Variants in RBFOX1 observed in about 807,000 individuals in gnomAD.
The protein encoded by RBFOX1 is RNA binding fox-1 homolog 1.
Under a neutral mutation model 57.7 loss-of-function variants are expected in RBFOX1, and 8 were observed. The observed-to-expected ratio is 0.14, with a 90% confidence interval of 0.08 to 0.25. The LOEUF (loss-of-function observed/expected upper bound fraction) is 0.25. RBFOX1 is among the 10% of genes least tolerant of loss of function. RBFOX1 has a pLI of 1.00. For missense variants in RBFOX1, 611 were observed against 548.5 expected (o/e 1.11, Z -1.14); for synonymous variants, 326 against 222.4 (o/e 1.47, Z -4.15).
At chr16:6,076,471 GT>G (rs938802804) in intron 1 of RBFOX1, among the ~76,000 whole-genome samples, 1 of 151,986 alleles carries the variant, frequency 6.6e-6, no homozygotes, top group African/African-American at 2.4e-5. Context: ...AGCCTTGCCT[GT>G]TTTTTTGTTT....
At chr16:6,780,856 A>T (rs1416798979) in intron 3 of RBFOX1, among the ~76,000 whole-genome samples, 1 of 151,852 alleles carries the variant, frequency 6.6e-6, no homozygotes, top group African/African-American at 2.4e-5. Flanking sequence ...GGGGTTTTGT[A>T]CCAAGTTGTT....
At chr16:6,469,886 A>G (rs1164185359) in intron 2 of RBFOX1, among the ~76,000 whole-genome samples, 1 of 152,188 alleles carries the variant, frequency 6.6e-6, no homozygotes, top group Non-Finnish European at 1.5e-5. Flanking sequence ...GAACCTTACA[A>G]TCCTATATTG....
chr16:6,038,495 A>G (rs1052572541), intron 1 of RBFOX1: 2 of 147,822 alleles, frequency 1.4e-5, no homozygotes, highest in African/African-American at 4.9e-5. Flanking sequence ...AGCTATATGT[A>G]CACTGTACCT....
At chr16:5,944,984 AAAAAGAG>A (rs1045930452) in intron 4 of RBFOX1, among the ~76,000 whole-genome samples, 3 of 142,648 alleles carry the variant, frequency 2.1e-5, no homozygotes, top group African/African-American at 7.6e-5. Context: ...AAAAAAAAAA[AAAAAGAG>A]AGAGAGAGAG....
At chr16:5,774,880 A>G (rs1400739028) in intron 3 of RBFOX1, among the ~76,000 whole-genome samples, 1 of 152,048 alleles carries the variant, frequency 6.6e-6, no homozygotes, top group Non-Finnish European at 1.5e-5. Context: ...CTGGAGTTTC[A>G]CCATGTTGGC....
intron 4 of RBFOX1, among the ~76,000 whole-genome samples, chr16:7,437,743 A>G (rs980176048): frequency 6.6e-5 from 10 of 152,236 alleles, no homozygotes; most frequent in Admixed American, 1.3e-4. Flanking sequence ...AGCATCTTTG[A>G]TTTACTTATA....
chr16:5,801,791 C>T (rs565410264), intron 3 of RBFOX1, among the ~76,000 whole-genome samples: 1 of 152,270 alleles, frequency 6.6e-6, no homozygotes, highest in African/African-American at 2.4e-5. Flanking sequence ...CTGACAGGCA[C>T]AGAGAGTGAA....
chr16:7,592,352 C>T (rs987192914), intron 7 of RBFOX1, among the ~76,000 whole-genome samples: 1 of 152,224 alleles, frequency 6.6e-6, no homozygotes, highest in Non-Finnish European at 1.5e-5. Context: ...CCACCTTTGT[C>T]TTTCCTAAAC....
intron 4 of RBFOX1, among the ~76,000 whole-genome samples, chr16:7,262,426 A>T (rs2094954338): frequency 1.3e-5 from 2 of 152,184 alleles, no homozygotes; most frequent in Admixed American, 6.5e-5. Flanking sequence ...GAAAAATTGC[A>T]ATAAGTGAAA....
intron 3 of RBFOX1, among the ~76,000 whole-genome samples, chr16:6,908,817 G>A (rs1475918454): frequency 6.6e-6 from 1 of 152,150 alleles, no homozygotes; most frequent in Non-Finnish European, 1.5e-5. Context: ...ATAAATGGAG[G>A]TGAGGTTGTG....
In RBFOX1 at chr16:5,623,522, C is replaced by G. The variant is rs144540210; in HGVS notation, c.318+24561C>G. Among the ~76,000 whole-genome samples, 79 of 151,514 alleles carry G rather than the reference C, an allele frequency of 5.2e-4. 1 individual carries two copies. Among genetic ancestry groups the G allele is most frequent in the South Asian group, 4.0e-3 (19 of 4,772 alleles). ...CATGAAGACTTTTCTGCATCTTTAC[C>G]TACACCCTACATGGTACAGGTGCAG... is the stretch of plus-strand genomic sequence containing the variant. On this transcript the variant is annotated intron_variant, in intron 3 of 19. Coordinates refer to the RBFOX1 transcript ENST00000641259.
intron 4 of RBFOX1, among the ~76,000 whole-genome samples, chr16:7,454,727 C>G (rs1435434755): frequency 1.3e-5 from 2 of 152,208 alleles, no homozygotes; most frequent in East Asian, 3.9e-4. Context: ...ATCCAACCAT[C>G]TCTCGATGTA....
At chr16:7,148,258 C>G (rs1000446746) in intron 4 of RBFOX1, among the ~76,000 whole-genome samples, 6 of 152,192 alleles carry the variant, frequency 3.9e-5, no homozygotes, top group Non-Finnish European at 8.8e-5. Context: ...AGTTTAAAGG[C>G]ACACTCTGGC....
At chr16:6,125,195 A>G (rs1321137791) in intron 1 of RBFOX1, among the ~76,000 whole-genome samples, 1 of 152,206 alleles carries the variant, frequency 6.6e-6, no homozygotes, top group East Asian at 1.9e-4. Flanking sequence ...TTACAGTCAT[A>G]TCTTTGTCAA....
At chr16:6,847,148 G>A (rs866941318) in intron 3 of RBFOX1, among the ~76,000 whole-genome samples, 1 of 152,112 alleles carries the variant, frequency 6.6e-6, no homozygotes, top group African/African-American at 2.4e-5. Context: ...CCTGTCTTGC[G>A]GCCATTAAAC....
chr16:7,137,812 T>C (rs921650397), intron 4 of RBFOX1, among the ~76,000 whole-genome samples: 20 of 152,224 alleles, frequency 1.3e-4, no homozygotes, highest in Admixed American at 1.3e-3. Flanking sequence ...AAGGTTGTAG[T>C]TCATCTGCAA....
chr16:7,626,992 C>T (rs2060171179), intron 10 of RBFOX1, among the ~76,000 whole-genome samples: 1 of 152,042 alleles, frequency 6.6e-6, no homozygotes, highest in Non-Finnish European at 1.5e-5. Flanking sequence ...CACGAAGGAT[C>T]TATCAGGGAG....
intron 2 of RBFOX1, among the ~76,000 whole-genome samples, chr16:6,394,250 C>G (rs1410676136): frequency 6.6e-6 from 1 of 152,098 alleles, no homozygotes; most frequent in Admixed American, 6.5e-5. Flanking sequence ...GTTTGCTCAT[C>G]TGAAAACAAA....
At chr16:7,665,493 C>T (rs183666790) in intron 13 of RBFOX1, among the ~76,000 whole-genome samples, 1 of 152,252 alleles carries the variant, frequency 6.6e-6, no homozygotes, top group Non-Finnish European at 1.5e-5. Context: ...TCAAATTGAA[C>T]ATTGAGCCCC....
Sources: allele counts gnomAD v4.1 joint callset (sites outside exome capture counted in the v4.1 genomes callset), GRCh38; gene constraint gnomAD v4.1.1; transcripts MANE v1.5; gene names NCBI Gene and HGNC (gene_info 2026-07-23, HGNC 2026-07-21).